Variants in RNF175 observed in about 807,000 individuals in gnomAD.
The protein encoded by RNF175 is ring finger protein 175.
Under a neutral mutation model 50.0 loss-of-function variants are expected in RNF175, and 38 were observed. That is an observed-to-expected ratio of 0.76 (90% CI 0.59 to 1.00). The LOEUF (loss-of-function observed/expected upper bound fraction) is 1.00. Ranked by LOEUF, RNF175 falls within the 50% of genes least tolerant of loss-of-function variation. The pLI is 0.00. For missense variants in RNF175, 388 were observed against 409.6 expected (o/e 0.95, Z 0.46); for synonymous variants, 155 against 146.1 (o/e 1.06, Z -0.44).
chr4:153,732,231 C>CAA (rs35638181), intron 3 of RNF175, among the ~76,000 whole-genome samples: 2 of 143,734 alleles, frequency 1.4e-5, no homozygotes, highest in African/African-American at 2.6e-5. Flanking sequence ...GACTCTGTCT[C>CAA]AAAAAAAAAA....
intron 1 of RNF175, among the ~76,000 whole-genome samples, chr4:153,753,953 G>A (rs62325107): frequency 0.97 from 146,581 of 150,432 alleles, 71,530 homozygotes; most frequent in East Asian, 1. Flanking sequence ...GGCGTATCAC[G>A]AGGTCAGGAG....
chr4:153,740,535 A>G (rs973060360), intron 3 of RNF175, among the ~76,000 whole-genome samples: 7 of 152,308 alleles, frequency 4.6e-5, no homozygotes, highest in Non-Finnish European at 1.0e-4. Context: ...GCTGTGCAAT[A>G]GAATACCAGA....
rs1052904890 is a variant in RNF175, at chr4:153,712,490, C to T, written c.851G>A (p.Arg284Lys). ...TAAAGGATATGGATTACTGATCATC[C>T]TCTTCAAATCAACTTTCTCTTTGCA... is the stretch of plus-strand genomic sequence containing the variant. ...PYCKEKVDLK[R>K]MISNPWERTH... The change falls in exon 8 of 9, where the codon AGG becomes AAG. Residue 284 changes from arginine (R) to lysine (K), a missense_variant. Coordinates refer to ENST00000347063, the MANE Select transcript of RNF175 (RefSeq NM_173662.4). 23 of 1,597,906 alleles carry T rather than the reference C, an allele frequency of 1.4e-5. No homozygotes were observed. The highest frequency in any genetic ancestry group is 5.5e-5 in the South Asian group (5 of 90,428).
At position 153,746,841 on chromosome 4, in the gene RNF175, AATCTAAGTGG is replaced by A. The variant is rs1469841169; in HGVS notation, c.246+1794_246+1803del. On this transcript the variant is annotated intron_variant, in intron 3 of 8. Coordinates refer to ENST00000347063, the MANE Select transcript of RNF175 (RefSeq NM_173662.4). ...TCTGGTTGTCTGCAACATCCTTTGAAATCTAAGTGGAGGCTGCCATGGCCTCACAGCATGT... is the reference window on the plus strand; with the variant it reads ...TCTGGTTGTCTGCAACATCCTTTGAAAGGCTGCCATGGCCTCACAGCATGT... Among the ~76,000 whole-genome samples, 11 of 152,312 alleles carry A rather than the reference AATCTAAGTGG, an allele frequency of 7.2e-5. No homozygotes were observed. The South Asian group carries it at 2.3e-3, about 32-fold the overall frequency.
intron 7 of RNF175, chr4:153,714,715 G>C (rs1172954432): frequency 1.3e-5 from 2 of 152,238 alleles, no homozygotes; most frequent in Non-Finnish European, 2.9e-5. Context: ...TACATGTTCA[G>C]GCAACACAGG....
chr4:153,712,420 T>C, intron 8 of RNF175, 55 bp downstream of exon 8: 1 of 1,118,654 alleles, frequency 8.9e-7, no homozygotes, highest in South Asian at 1.4e-5. Context: ...TTGAAGAATA[T>C]ATCCCCAGAA....
chr4:153,747,997 A>G (rs1280909491), intron 3 of RNF175, among the ~76,000 whole-genome samples: 1 of 152,262 alleles, frequency 6.6e-6, no homozygotes, highest in Non-Finnish European at 1.5e-5. Flanking sequence ...AGAGGGCAAG[A>G]GAGAATGAGA....
intron 1 of RNF175, 40 bp from the exon 2 acceptor site, chr4:153,751,515 T>C: frequency 6.7e-7 from 1 of 1,494,588 alleles, no homozygotes; most frequent in Non-Finnish European, 9.0e-7. Context: ...AAAATGTCCT[T>C]ATTTTCTTGG....
At chr4:153,758,909 G>A (rs1430306443) in intron 1 of RNF175, among the ~76,000 whole-genome samples, 1 of 152,196 alleles carries the variant, frequency 6.6e-6, no homozygotes, top group Non-Finnish European at 1.5e-5. Flanking sequence ...GGAGGAGAAG[G>A]GGGTTAGTCA....
Position 153,728,270 on chromosome 4 carries a change from G to C in RNF175, c.338C>G (p.Ser113Cys), listed in dbSNP as rs1225925038. 6.8e-6 allele frequency: 11 copies of C among 1,613,436 alleles called. No homozygotes were observed. Among genetic ancestry groups the C allele is most frequent in the Non-Finnish European group, 8.5e-6 (10 of 1,179,394 alleles). ...GAAGAGGATGTAACTGGTAATAACG[G>C]AGAACATCCCCCACATAGACAGAAA... ...WRFLSMWGMF[S>C]VITSYILFRA... Residue 113 changes from serine to cysteine, a missense_variant, in exon 4 of 9, where the codon TCC becomes TGC. Transcript: ENST00000347063.
intron 3 of RNF175, among the ~76,000 whole-genome samples, chr4:153,733,092 C>G (rs1214647934): frequency 1.3e-5 from 2 of 152,072 alleles, no homozygotes; most frequent in Non-Finnish European, 2.9e-5. Flanking sequence ...TACACAGCTC[C>G]TACAGACCGC....
chr4:153,743,457 G>A (rs1739791635), intron 3 of RNF175, among the ~76,000 whole-genome samples: 1 of 152,188 alleles, frequency 6.6e-6, no homozygotes. Context: ...CAAAGAAGTA[G>A]AATATATTCC....
At chr4:153,750,146 C>T (rs2127159578) in intron 2 of RNF175, among the ~76,000 whole-genome samples, 1 of 152,260 alleles carries the variant, frequency 6.6e-6, no homozygotes, top group East Asian at 1.9e-4. Flanking sequence ...TACTGGTTAT[C>T]ATTATCTTTC....
chr4:153,750,354 C>G (rs1011719221), intron 2 of RNF175, among the ~76,000 whole-genome samples: 4 of 152,140 alleles, frequency 2.6e-5, no homozygotes, highest in South Asian at 2.1e-4. Flanking sequence ...TACAGCTACT[C>G]CAAAGAGCAG....
chr4:153,738,173 T>C, intron 3 of RNF175, among the ~76,000 whole-genome samples: 1 of 152,020 alleles, frequency 6.6e-6, no homozygotes, highest in East Asian at 1.9e-4. Context: ...TCTCAGCCTC[T>C]GGAGTAGCTG....
chr4:153,754,861 T>C (rs1360665761), intron 1 of RNF175, among the ~76,000 whole-genome samples: 1 of 152,194 alleles, frequency 6.6e-6, no homozygotes, highest in Non-Finnish European at 1.5e-5. Flanking sequence ...AAGTCTCCCC[T>C]AGAGTCTTTG....
rs34991607 is a variant in RNF175 at position 153,742,272 on chromosome 4, C to CAAAAA, written c.246+6368_246+6372dup. Among the ~76,000 whole-genome samples, 58 of 103,880 alleles carry CAAAAA rather than the reference C, an allele frequency of 5.6e-4. 1 individual carries two copies. The South Asian group carries it at 0.011, about 20-fold the overall frequency. 68.1% of individuals were successfully genotyped at this position (103,880 alleles called of 152,430 possible). On this transcript the variant is annotated intron_variant, in intron 3 of 8. Coordinates refer to ENST00000347063, the MANE Select transcript of RNF175 (RefSeq NM_173662.4). ...TGGGTGACAGAGTGAGCTTCTGTTC[C>CAAAAA]AAAAAAAAAAAAAAAAAAAAATTCA... is the stretch of plus-strand genomic sequence containing the variant.
At chr4:153,719,969 A>T (rs770478571) in intron 6 of RNF175, among the ~76,000 whole-genome samples, 5 of 152,254 alleles carry the variant, frequency 3.3e-5, no homozygotes, top group Non-Finnish European at 7.3e-5. Context: ...TATATACATA[A>T]GACATGTATT....
chr4:153,759,629 G>A (rs1407470000), intron 1 of RNF175, among the ~76,000 whole-genome samples, 168 bp downstream of exon 1: 2 of 152,204 alleles, frequency 1.3e-5, no homozygotes, highest in African/African-American at 4.8e-5. Context: ...ACCCCGCACG[G>A]TGGCATCTTC....
Sources: gnomAD v4.1 joint callset for allele counts (sites outside exome capture counted in the v4.1 genomes callset) on GRCh38, gnomAD v4.1.1 for gene constraint, MANE v1.5 for transcripts, NCBI Gene and HGNC (gene_info 2026-07-23, HGNC 2026-07-21) for gene names.